Variants in PALLD observed in about 807,000 individuals in gnomAD.
PALLD encodes palladin.
In PALLD, 61 loss-of-function variants were observed where a neutral mutation model predicts 123.5. That is an observed-to-expected ratio of 0.49 (90% CI 0.40 to 0.61). The LOEUF (loss-of-function observed/expected upper bound fraction) is 0.61. PALLD is among the 20% of genes least tolerant of loss of function. The pLI is 0.00. For synonymous variants in PALLD, 465 were observed against 496.4 expected (o/e 0.94, Z 0.84); for missense variants, 1,273 against 1,377.0 (o/e 0.92, Z 1.20).
chr4:168,856,107 G>A (rs1424263788), intron 10 of PALLD, among the ~76,000 whole-genome samples: 6 of 152,182 alleles, frequency 3.9e-5, no homozygotes, highest in African/African-American at 1.2e-4. Context: ...TTGGTTTTCT[G>A]TTCCTGCATT....
At chr4:168,809,213 A>G (rs1405541794) in intron 10 of PALLD, among the ~76,000 whole-genome samples, 4 of 152,184 alleles carry the variant, frequency 2.6e-5, no homozygotes, top group Non-Finnish European at 4.4e-5. Context: ...TGAAAACTGA[A>G]GCTCATTCTC....
intron 10 of PALLD, among the ~76,000 whole-genome samples, chr4:168,839,141 A>G (rs907795858): frequency 6.6e-6 from 1 of 152,104 alleles, no homozygotes; most frequent in African/African-American, 2.4e-5. Context: ...TTTAATAGAG[A>G]TGAGGTCTTG....
intron 10 of PALLD, among the ~76,000 whole-genome samples, chr4:168,858,307 A>G (rs552956542): frequency 1.3e-5 from 2 of 152,308 alleles, no homozygotes; most frequent in African/African-American, 4.8e-5. Context: ...GGGCTGGAAG[A>G]TATTTTTCCC....
chr4:168,565,444 G>A (rs754444601), intron 2 of PALLD, among the ~76,000 whole-genome samples: 8 of 152,150 alleles, frequency 5.3e-5, no homozygotes, highest in Non-Finnish European at 1.0e-4. Context: ...AAGTCAGGAA[G>A]GAAGGTGTTC....
rs75954094 is a variant in PALLD at position 168,775,249 on chromosome 4, A to G, written c.1964+63326A>G. On this transcript the variant is annotated intron_variant, in intron 10 of 21. Coordinates refer to ENST00000505667, the MANE Select transcript of PALLD (RefSeq NM_001166108.2). ...ATTTTAGCCACTTTAACAGGTGTGT[A>G]GTAGAATTTCATCGTGGTTTTAATT... 7.2e-3 allele frequency among the ~76,000 whole-genome samples: 1,103 copies of G among 152,288 alleles called. 17 individuals carry two copies. Among genetic ancestry groups the G allele is most frequent in the African/African-American group, 0.025 (1,023 of 41,560 alleles).
At chr4:168,623,948 A>G (rs1470589141) in intron 2 of PALLD, among the ~76,000 whole-genome samples, 2 of 152,218 alleles carry the variant, frequency 1.3e-5, no homozygotes, top group African/African-American at 4.8e-5. Flanking sequence ...GAAAAGACAT[A>G]ACATAATAAG....
At chr4:168,618,803 T>G (rs766452466) in intron 2 of PALLD, among the ~76,000 whole-genome samples, 1 of 152,206 alleles carries the variant, frequency 6.6e-6, no homozygotes, top group Non-Finnish European at 1.5e-5. Flanking sequence ...CTATCAAATA[T>G]GTATTTACTT....
intron 2 of PALLD, among the ~76,000 whole-genome samples, chr4:168,642,840 A>T (rs1777093038): frequency 6.6e-6 from 1 of 152,236 alleles, no homozygotes; most frequent in Non-Finnish European, 1.5e-5. Flanking sequence ...TTTCCTGTAC[A>T]TTCGTCTCTA....
chr4:168,832,575 G>C (rs2150861861), intron 10 of PALLD, among the ~76,000 whole-genome samples: 1 of 152,272 alleles, frequency 6.6e-6, no homozygotes, highest in African/African-American at 2.4e-5. Context: ...GGAGAGCAGA[G>C]AAAGCGGGGC....
intron 10 of PALLD, among the ~76,000 whole-genome samples, chr4:168,796,378 C>T (rs557892412): frequency 8.5e-5 from 13 of 152,350 alleles, no homozygotes; most frequent in African/African-American, 3.1e-4. Flanking sequence ...CAAAGGAGAA[C>T]ACCAGTCACT....
intron 6 of PALLD, among the ~76,000 whole-genome samples, chr4:168,687,367 A>C (rs567231748): frequency 1.3e-5 from 2 of 152,332 alleles, no homozygotes; most frequent in African/African-American, 4.8e-5. Context: ...ATAACCAATG[A>C]AGTCTTCCTT....
chr4:168,865,300 G>A (rs2151051303), intron 10 of PALLD, among the ~76,000 whole-genome samples: 1 of 152,302 alleles, frequency 6.6e-6, no homozygotes, highest in Middle Eastern at 3.4e-3. Flanking sequence ...TGCATCTCTT[G>A]TGCTTGCCAA....
chr4:168,720,367 G>A (rs1011035589), intron 10 of PALLD, among the ~76,000 whole-genome samples: 1 of 152,126 alleles, frequency 6.6e-6, no homozygotes, highest in African/African-American at 2.4e-5. Context: ...TTTGTTTCTG[G>A]TTAAGTGATT....
At chr4:168,519,873 T>A (rs1316645385) in intron 2 of PALLD, among the ~76,000 whole-genome samples, 1 of 150,148 alleles carries the variant, frequency 6.7e-6, no homozygotes. Context: ...GCCTATTTTC[T>A]TATTCTTTTA....
At chr4:168,517,852 G>C (rs191820262) in intron 2 of PALLD, among the ~76,000 whole-genome samples, 71 of 152,232 alleles carry the variant, frequency 4.7e-4, no homozygotes, top group African/African-American at 1.3e-3. Flanking sequence ...AAAAAATCCT[G>C]ACAATACACG....
intron 2 of PALLD, among the ~76,000 whole-genome samples, chr4:168,636,348 G>A (rs922232738): frequency 1.3e-5 from 2 of 152,178 alleles, no homozygotes; most frequent in African/African-American, 4.8e-5. Flanking sequence ...AGCCCAGTGT[G>A]GTGGTGGGTA....
intron 8 of PALLD, among the ~76,000 whole-genome samples, chr4:168,706,682 A>G (rs2150184887): frequency 6.6e-6 from 1 of 152,314 alleles, no homozygotes; most frequent in East Asian, 1.9e-4. Flanking sequence ...GGGGTTGATA[A>G]AACCTAAGAA....
intron 9 of PALLD, among the ~76,000 whole-genome samples, chr4:168,711,273 T>C (rs1007683119): frequency 6.6e-6 from 1 of 152,222 alleles, no homozygotes; most frequent in Non-Finnish European, 1.5e-5. Flanking sequence ...GTTGATACTG[T>C]TTGTGTTGTC....
intron 2 of PALLD, among the ~76,000 whole-genome samples, chr4:168,633,863 G>A (rs1237930017): frequency 6.6e-6 from 1 of 152,048 alleles, no homozygotes; most frequent in African/African-American, 2.4e-5. Flanking sequence ...ATTGAACTTT[G>A]TTTCTCTGAG....
Sources: allele counts gnomAD v4.1 joint callset (sites outside exome capture counted in the v4.1 genomes callset), GRCh38; gene constraint gnomAD v4.1.1; transcripts MANE v1.5; gene names NCBI Gene and HGNC (gene_info 2026-07-23, HGNC 2026-07-21).